LYPD6B: variants seen among roughly 807,000 people sequenced by gnomAD.
The protein encoded by LYPD6B is LY6/PLAUR domain containing 6B, also known as ly6/PLAUR domain-containing protein 6B.
LYPD6B carries 17 observed loss-of-function variants against 22.8 expected under a neutral mutation model. The ratio of observed to expected loss-of-function variants is 0.75; its 90% CI spans 0.51 to 1.12. LYPD6B has a LOEUF of 1.12. Ranked by LOEUF, LYPD6B falls within the 50% of genes most tolerant of loss-of-function variation. The pLI is 0.00. For missense variants in LYPD6B, 221 were observed against 258.3 expected (o/e 0.86, Z 0.99); for synonymous variants, 106 against 91.6 (o/e 1.16, Z -0.90).
intron 3 of LYPD6B, among the ~76,000 whole-genome samples, chr2:149,178,715 A>G (rs1691498798): frequency 6.6e-6 from 1 of 152,200 alleles, no homozygotes; most frequent in Non-Finnish European, 1.5e-5. Flanking sequence ...CTGTTTTATG[A>G]GCTCCTGGAA....
At chr2:149,191,146 C>G (rs1184319445) in intron 3 of LYPD6B, among the ~76,000 whole-genome samples, 1 of 152,126 alleles carries the variant, frequency 6.6e-6, no homozygotes, top group African/African-American at 2.4e-5. Context: ...TTTTCTCACT[C>G]ATTTTGAGAA....
intron 1 of LYPD6B, among the ~76,000 whole-genome samples, chr2:149,060,641 C>T (rs1051583807): frequency 6.6e-6 from 1 of 152,136 alleles, no homozygotes; most frequent in African/African-American, 2.4e-5. Flanking sequence ...AGTGGCATCC[C>T]AGGGCAGCTT....
At chr2:149,042,987 T>G (rs1365980146) in intron 1 of LYPD6B, among the ~76,000 whole-genome samples, 1 of 152,212 alleles carries the variant, frequency 6.6e-6, no homozygotes, top group Non-Finnish European at 1.5e-5. Context: ...TATAATGACT[T>G]ACAAAAACAT....
At chr2:149,087,034 C>T (rs1685434505) in intron 1 of LYPD6B, among the ~76,000 whole-genome samples, 2 of 151,778 alleles carry the variant, frequency 1.3e-5, no homozygotes, top group South Asian at 4.2e-4. Flanking sequence ...AACCCTATCT[C>T]CAAATACAGT....
At chr2:149,068,798 A>T in intron 1 of LYPD6B, 1 of 466,392 alleles carries the variant, frequency 2.1e-6, no homozygotes, top group Non-Finnish European at 4.4e-6. Context: ...CAAAGGCTCG[A>T]TCATTTTGCA....
intron 1 of LYPD6B, among the ~76,000 whole-genome samples, chr2:149,108,068 G>C (rs911052171): frequency 8.5e-5 from 13 of 152,160 alleles, no homozygotes; most frequent in African/African-American, 2.9e-4. Flanking sequence ...CCCTGTGGGA[G>C]GTAATTGAAT....
At chr2:149,169,676 C>T (rs986430185) in intron 3 of LYPD6B, among the ~76,000 whole-genome samples, 6 of 152,162 alleles carry the variant, frequency 3.9e-5, no homozygotes, top group Non-Finnish European at 8.8e-5. Flanking sequence ...CTGTTATCAC[C>T]AGAGGCCAGA....
intron 1 of LYPD6B, among the ~76,000 whole-genome samples, chr2:149,056,043 A>G (rs1484664634): frequency 9.2e-5 from 14 of 152,174 alleles, no homozygotes; most frequent in African/African-American, 3.4e-4. Context: ...GTACGGGCTG[A>G]TTTCTCCTAG....
At chr2:149,068,157 C>T (rs945744914) in intron 1 of LYPD6B, among the ~76,000 whole-genome samples, 2 of 152,116 alleles carry the variant, frequency 1.3e-5, no homozygotes, top group Admixed American at 1.3e-4. Context: ...GAATAACTGG[C>T]TTCTGTGTTT....
At chr2:149,191,443 G>A (rs1017658579) in intron 3 of LYPD6B, among the ~76,000 whole-genome samples, 52 of 151,908 alleles carry the variant, frequency 3.4e-4, no homozygotes, top group African/African-American at 1.2e-3. Flanking sequence ...ACTTCTTTAA[G>A]TATATCCCTG....
At chr2:149,108,916 C>T (rs918740009) in intron 1 of LYPD6B, among the ~76,000 whole-genome samples, 1 of 152,090 alleles carries the variant, frequency 6.6e-6, no homozygotes, top group African/African-American at 2.4e-5. Context: ...CCATTGTCTA[C>T]CTTAAAGTGA....
intron 2 of LYPD6B, among the ~76,000 whole-genome samples, chr2:149,152,155 T>C (rs764489389): frequency 6.6e-6 from 1 of 152,262 alleles, no homozygotes; most frequent in Non-Finnish European, 1.5e-5. Flanking sequence ...TAGAATATTA[T>C]GGTATAGGTC....
At chr2:149,153,189 G>A (rs1450709131) in intron 2 of LYPD6B, among the ~76,000 whole-genome samples, 1 of 152,196 alleles carries the variant, frequency 6.6e-6, no homozygotes, top group Non-Finnish European at 1.5e-5. Flanking sequence ...AGGGCTTCTT[G>A]AATTAATGAA....
In LYPD6B at chr2:149,042,657, A is replaced by G. The variant is rs1683135065; in HGVS notation, c.-67+3856A>G. Among the ~76,000 whole-genome samples the G allele has an allele frequency of 2.6e-5, 4 of 152,206 alleles. 1 individual carries two copies. The South Asian group carries it at 8.3e-4, about 31-fold the overall frequency. On this transcript the variant is annotated intron_variant, in intron 1 of 6. Coordinates refer to ENST00000409642, the MANE Select transcript of LYPD6B (RefSeq NM_177964.5). ...CTAGGTGCTGGGGATTGGAGCTTAC[A>G]GTCTACTAGATGGAGACATTTATTT...
chr2:149,185,414 G>C (rs1000566572), intron 3 of LYPD6B, among the ~76,000 whole-genome samples: 1 of 152,190 alleles, frequency 6.6e-6, no homozygotes, highest in Non-Finnish European at 1.5e-5. Context: ...GACTCCCTGA[G>C]CTGGCTTATA....
chr2:149,140,374 T>G (rs1313020133), intron 2 of LYPD6B, among the ~76,000 whole-genome samples: 1 of 152,146 alleles, frequency 6.6e-6, no homozygotes, highest in East Asian at 1.9e-4. Flanking sequence ...TGCTGGGAAG[T>G]GGCAGGGCGA....
chr2:149,192,026 T>C (rs1692525678), intron 3 of LYPD6B, among the ~76,000 whole-genome samples: 1 of 152,116 alleles, frequency 6.6e-6, no homozygotes, highest in South Asian at 2.1e-4. Context: ...ATATTTGCTT[T>C]ATGCCATTCT....
chr2:149,152,329 A>T (rs1473601014), intron 2 of LYPD6B, among the ~76,000 whole-genome samples: 1 of 152,246 alleles, frequency 6.6e-6, no homozygotes, highest in African/African-American at 2.4e-5. Flanking sequence ...TGGGGTATGT[A>T]CGTAACTAAA....
At chr2:149,076,097 C>A (rs60722887) in intron 1 of LYPD6B, among the ~76,000 whole-genome samples, 6,893 of 151,960 alleles carry the variant, frequency 0.045, 511 homozygotes, top group African/African-American at 0.16. Flanking sequence ...AATCCAGAGG[C>A]GCGGGAGAAT....
Sources: gnomAD v4.1 joint callset for allele counts (sites outside exome capture counted in the v4.1 genomes callset) on GRCh38, gnomAD v4.1.1 for gene constraint, MANE v1.5 for transcripts, NCBI Gene and HGNC (gene_info 2026-07-23, HGNC 2026-07-21) for gene names.